The following CNTNAP5 variants were observed in gnomAD, a reference collection of about 807,000 sequenced individuals.
CNTNAP5 encodes contactin associated protein family member 5, also known as contactin-associated protein-like 5.
Under a neutral mutation model 150.2 loss-of-function variants are expected in CNTNAP5, and 72 were observed. The ratio of observed to expected loss-of-function variants is 0.48; its 90% CI spans 0.40 to 0.58. The LOEUF is 0.58. CNTNAP5 is among the 20% of genes least tolerant of loss of function. CNTNAP5 has a pLI of 0.00. For missense variants in CNTNAP5, 1,636 were observed against 1,626.2 expected, an observed-to-expected ratio of 1.01 and a Z score of -0.10; for synonymous variants, 672 against 619.8, an observed-to-expected ratio of 1.08 and a Z score of -1.25.
chr2:124,500,458 T>C lies in CNTNAP5; in HGVS notation c.1063-3834T>C, dbSNP rs60135415. 2.4e-3 allele frequency among the ~76,000 whole-genome samples: 359 copies of C among 151,984 alleles called. 3 individuals are homozygous for C. The highest frequency in any genetic ancestry group is 8.1e-3 in the African/African-American group (337 of 41,470). On this transcript the variant is annotated intron_variant, in intron 7 of 23. Coordinates refer to ENST00000682447, the MANE Select transcript of CNTNAP5 (RefSeq NM_001367498.1). The stretch of plus-strand genomic sequence containing the variant: ...CAGGGAATGGAAAATTACTTAGAGG[T>C]AGGGTACTTCTTTGCTAAACTAGCC...
intron 3 of CNTNAP5, among the ~76,000 whole-genome samples, chr2:124,352,015 A>G (rs1030652655): frequency 6.6e-6 from 1 of 152,146 alleles, no homozygotes; most frequent in African/African-American, 2.4e-5. Flanking sequence ...TTCCAAGAAT[A>G]GGTGACAGCT....
rs115399366 is a variant in CNTNAP5, at chr2:124,429,215, G to A, written c.530-5269G>A. On this transcript the variant is annotated intron_variant, in intron 4 of 23. Transcript: ENST00000682447. ...TCTGCTTTTCCAAGTGAAGTTGGGA[G>A]TGCTGAGTATTCTTCTTGAAACTCA... Among the ~76,000 whole-genome samples the A allele has an allele frequency of 7.6e-3, 1,153 of 152,242 alleles. 8 individuals carry two copies. Among genetic ancestry groups the A allele is most frequent in the Middle Eastern group, 0.024 (7 of 294 alleles).
intron 4 of CNTNAP5, among the ~76,000 whole-genome samples, chr2:124,422,533 C>T (rs1212776925): frequency 1.3e-5 from 2 of 152,208 alleles, no homozygotes; most frequent in Non-Finnish European, 2.9e-5. Context: ...TCCCCTGACT[C>T]GACAAGATAG....
At chr2:124,366,190 A>T (rs993815211) in intron 3 of CNTNAP5, among the ~76,000 whole-genome samples, 1 of 152,172 alleles carries the variant, frequency 6.6e-6, no homozygotes, top group African/African-American at 2.4e-5. Context: ...CTCTTAATGT[A>T]AAACCAGAAT....
chr2:124,557,803 G>C (rs1335531292), intron 10 of CNTNAP5, among the ~76,000 whole-genome samples: 4 of 152,176 alleles, frequency 2.6e-5, no homozygotes, highest in African/African-American at 9.7e-5. Flanking sequence ...GCAGGAACAT[G>C]AGCTGAGACA....
At chr2:124,322,325 G>A (rs562188512) in intron 3 of CNTNAP5, among the ~76,000 whole-genome samples, 1 of 152,236 alleles carries the variant, frequency 6.6e-6, no homozygotes, top group African/African-American at 2.4e-5. Flanking sequence ...CTTGGCACCT[G>A]CAGCACAGGT....
chr2:124,617,511 A>G (rs887132721), intron 12 of CNTNAP5, among the ~76,000 whole-genome samples: 1 of 152,074 alleles, frequency 6.6e-6, no homozygotes, highest in Admixed American at 6.6e-5. Context: ...TGATGTTGTC[A>G]CGTGGCCTTC....
intron 8 of CNTNAP5, among the ~76,000 whole-genome samples, chr2:124,509,702 C>G (rs1694511696): frequency 6.6e-6 from 1 of 152,160 alleles, no homozygotes; most frequent in Non-Finnish European, 1.5e-5. Context: ...ATTGTGCATA[C>G]TGTCCATTGC....
chr2:124,539,692 T>C (rs1695332973), intron 10 of CNTNAP5, among the ~76,000 whole-genome samples: 1 of 152,194 alleles, frequency 6.6e-6, no homozygotes, highest in Admixed American at 6.6e-5. Flanking sequence ...AGAAAAGTTC[T>C]TAAAGTTAAA....
intron 1 of CNTNAP5, among the ~76,000 whole-genome samples, chr2:124,204,684 A>G (rs1363559221): frequency 6.6e-6 from 1 of 152,224 alleles, no homozygotes; most frequent in African/African-American, 2.4e-5. Flanking sequence ...GGAAGGCAAG[A>G]GAGCATGTGC....
In CNTNAP5 at chr2:124,202,509, G is replaced by A. The variant is rs1013863148; in HGVS notation, c.83-19196G>A. Reference sequence around the variant, plus strand: ...GTCAGGTTAGGTTGGAGAGCAGGACGGGGCCAACTTCAGGAGTGAAGTCTG... The same window carrying A: ...GTCAGGTTAGGTTGGAGAGCAGGACAGGGCCAACTTCAGGAGTGAAGTCTG... On this transcript the variant is annotated intron_variant, in intron 1 of 23. Coordinates refer to ENST00000682447, the MANE Select transcript of CNTNAP5 (RefSeq NM_001367498.1). Among the ~76,000 whole-genome samples the A allele has an allele frequency of 4.6e-5, 7 of 152,132 alleles. No homozygotes were observed. In the South Asian group the frequency reaches 1.0e-3, roughly 23 times the overall value.
At chr2:124,123,959 A>G (rs1383198858) in intron 1 of CNTNAP5, among the ~76,000 whole-genome samples, 4 of 152,212 alleles carry the variant, frequency 2.6e-5, no homozygotes, top group Admixed American at 1.3e-4. Context: ...GAGAGAAACC[A>G]GAGAAGAAAA....
chr2:124,624,392 C>T (rs1677677017), intron 12 of CNTNAP5, among the ~76,000 whole-genome samples: 1 of 152,144 alleles, frequency 6.6e-6, no homozygotes, highest in South Asian at 2.1e-4. Context: ...TTCATCCATC[C>T]CTCCCTTTAC....
intron 13 of CNTNAP5, among the ~76,000 whole-genome samples, chr2:124,691,992 C>T (rs1486868463): frequency 6.6e-6 from 1 of 152,078 alleles, no homozygotes; most frequent in Non-Finnish European, 1.5e-5. Context: ...GATATATCGG[C>T]TTTTACTTTT....
At chr2:124,810,593 G>A (rs551450795) in intron 19 of CNTNAP5, among the ~76,000 whole-genome samples, 2 of 152,208 alleles carry the variant, frequency 1.3e-5, no homozygotes, top group Admixed American at 1.3e-4. Flanking sequence ...ATTATTGGAT[G>A]CCATCATGAA....
At chr2:124,141,784 T>A in intron 1 of CNTNAP5, among the ~76,000 whole-genome samples, 1 of 6,684 alleles carries the variant, frequency 1.5e-4, no homozygotes, top group Admixed American at 1.7e-3. Flanking sequence ...AATTCACACA[T>A]AACAATATTA....
chr2:124,500,465 C>G (rs1451502129), intron 7 of CNTNAP5, among the ~76,000 whole-genome samples: 1 of 152,100 alleles, frequency 6.6e-6, no homozygotes, highest in Non-Finnish European at 1.5e-5. Context: ...AGGTAGGGTA[C>G]TTCTTTGCTA....
chr2:124,237,651 A>G (rs925601694), intron 2 of CNTNAP5, among the ~76,000 whole-genome samples: 1 of 152,160 alleles, frequency 6.6e-6, no homozygotes, highest in African/African-American at 2.4e-5. Flanking sequence ...AGTCTGGCCA[A>G]CATGGTGAAA....
chr2:124,455,875 T>C (rs1043612884), intron 6 of CNTNAP5, among the ~76,000 whole-genome samples: 2 of 152,172 alleles, frequency 1.3e-5, no homozygotes, highest in Non-Finnish European at 2.9e-5. Flanking sequence ...CCCTTTATGA[T>C]TAAAACTCTC....
Sources: allele counts gnomAD v4.1 joint callset (sites outside exome capture counted in the v4.1 genomes callset), GRCh38; gene constraint gnomAD v4.1.1; transcripts MANE v1.5; gene names NCBI Gene and HGNC (gene_info 2026-07-23, HGNC 2026-07-21).